CNR1: variants seen among roughly 807,000 people sequenced by gnomAD.
The protein encoded by CNR1 is cannabinoid receptor 1 (brain).
Under a neutral mutation model 23.0 loss-of-function variants are expected in CNR1, and 10 were observed. The observed-to-expected ratio is 0.43, with a 90% confidence interval of 0.27 to 0.74. CNR1 has a LOEUF of 0.74. Ranked by LOEUF, CNR1 falls within the 30% of genes least tolerant of loss-of-function variation. The pLI is 0.19. For synonymous variants in CNR1, 271 were observed against 255.2 expected, an observed-to-expected ratio of 1.06 and a Z score of -0.59; for missense variants, 422 against 618.8, an observed-to-expected ratio of 0.68 and a Z score of 3.37.
At chr6:88,163,814 A>C (rs1174497695) in intron 1 of CNR1, among the ~76,000 whole-genome samples, 1 of 152,240 alleles carries the variant, frequency 6.6e-6, no homozygotes, top group Non-Finnish European at 1.5e-5. Flanking sequence ...TACCATTTTG[A>C]AATGCCAAAA....
At chr6:88,148,145 T>C (rs963358521) in intron 1 of CNR1, among the ~76,000 whole-genome samples, 2 of 152,192 alleles carry the variant, frequency 1.3e-5, no homozygotes, top group African/African-American at 4.8e-5. Flanking sequence ...GCTCCTCACC[T>C]CAGTGCTGTT....
chr6:88,152,616 G>T (rs1777589384), intron 1 of CNR1, among the ~76,000 whole-genome samples: 1 of 152,158 alleles, frequency 6.6e-6, no homozygotes, highest in African/African-American at 2.4e-5. Context: ...TTGAATTAAA[G>T]AATACAGTTA....
At chr6:88,154,499 G>A (rs911588905) in intron 1 of CNR1, among the ~76,000 whole-genome samples, 1 of 152,218 alleles carries the variant, frequency 6.6e-6, no homozygotes, top group Non-Finnish European at 1.5e-5. Flanking sequence ...CTGTTTAGCT[G>A]TTTCCTCCAA....
At chr6:88,155,744 T>C (rs1202391923) in intron 1 of CNR1, among the ~76,000 whole-genome samples, 1 of 152,208 alleles carries the variant, frequency 6.6e-6, no homozygotes, top group African/African-American at 2.4e-5. Context: ...CTATAAGGTA[T>C]AAATCCTAAC....
rs535749680 is a variant in CNR1 at position 88,140,139 on chromosome 6, G to C, written c.*3717C>G. The C allele has an allele frequency of 6.5e-6, 1 of 152,772 alleles. No individual in the cohort carries two copies. The highest frequency in any genetic ancestry group is 1.5e-5 in the Non-Finnish European group (1 of 68,032). 9.5% of individuals were successfully genotyped at this position (152,772 alleles called of 1,614,324 possible). A position where few individuals can be genotyped will look rare whatever the true frequency, so the allele number is the denominator to read the frequency against. Reference sequence around the variant, plus strand: ...ACGAAGATATTGCAGTGGTTGCAACGATGTTACCAGCTCAACAAACATCTA... The same window carrying C: ...ACGAAGATATTGCAGTGGTTGCAACCATGTTACCAGCTCAACAAACATCTA... On this transcript the variant is annotated 3_prime_UTR_variant, in exon 2 of 2. Coordinates refer to ENST00000369501, the MANE Select transcript of CNR1 (RefSeq NM_016083.6).
chr6:88,147,365 T>A (rs1777257330), intron 1 of CNR1, among the ~76,000 whole-genome samples: 1 of 152,122 alleles, frequency 6.6e-6, no homozygotes, highest in Non-Finnish European at 1.5e-5. Context: ...GGCAGACAGC[T>A]GACTCAGAAA....
At chr6:88,148,478 C>T (rs987389587) in intron 1 of CNR1, among the ~76,000 whole-genome samples, 2 of 151,754 alleles carry the variant, frequency 1.3e-5, no homozygotes, top group African/African-American at 2.4e-5. Context: ...ATTGGATATA[C>T]GTATTTCAAA....
At chr6:88,145,797 A>T (rs1397454056) in intron 1 of CNR1, among the ~76,000 whole-genome samples, 1 of 152,228 alleles carries the variant, frequency 6.6e-6, no homozygotes, top group Non-Finnish European at 1.5e-5. Flanking sequence ...TGGAGACTTC[A>T]CCTTGTCAGA....
chr6:88,143,698 G>A lies in CNR1; in HGVS notation c.*158C>T, dbSNP rs1208374223. On this transcript the variant is annotated 3_prime_UTR_variant, in exon 2 of 2. Coordinates refer to ENST00000369501, the MANE Select transcript of CNR1 (RefSeq NM_016083.6). ...AATGGAGTTTGAGTACCTAAACTAT[G>A]GAAACATTAGCAAACTGATAAGTGA... 1.6e-6 allele frequency: 1 copy of A among 642,084 alleles called. No individual in the cohort carries two copies. Among genetic ancestry groups the A allele is most frequent in the Non-Finnish European group, 2.7e-6 (1 of 366,552 alleles). 39.8% of individuals were successfully genotyped at this position (642,084 alleles called of 1,614,324 possible).
chr6:88,163,420 G>C (rs1382102417), intron 1 of CNR1, among the ~76,000 whole-genome samples: 4 of 152,210 alleles, frequency 2.6e-5, no homozygotes, highest in Non-Finnish European at 1.5e-5. Flanking sequence ...ACTGCTATTA[G>C]AAGTTCCATC....
intron 1 of CNR1, among the ~76,000 whole-genome samples, chr6:88,159,589 T>A (rs570280399): frequency 6.6e-6 from 1 of 152,360 alleles, no homozygotes; most frequent in South Asian, 2.1e-4. Flanking sequence ...ATTTCTCCTT[T>A]TTTGTTTATA....
At chr6:88,167,250 G>A (rs925636439), upstream of CNR1, among the ~76,000 whole-genome samples, 14 of 152,128 alleles carry the variant, frequency 9.2e-5, no homozygotes, top group Non-Finnish European at 1.8e-4. Flanking sequence ...GGACTCGGGG[G>A]CGGCAGCGGC....
intron 1 of CNR1, among the ~76,000 whole-genome samples, chr6:88,158,364 T>C (rs1443520045): frequency 6.6e-6 from 1 of 152,208 alleles, no homozygotes; most frequent in Non-Finnish European, 1.5e-5. Context: ...AAAAGTGATG[T>C]GAACATATTG....
In CNR1 at chr6:88,143,756, G is replaced by T; in HGVS notation, c.*100C>A. 2.4e-6 allele frequency: 2 copies of T among 841,828 alleles called. No individual in the cohort carries two copies. The highest frequency in any genetic ancestry group is 1.7e-5 in the African/African-American group (1 of 59,248). The allele number at this position is 841,828 out of a possible 1,614,324, so 52.1% of individuals were successfully genotyped here. On this transcript the variant is annotated 3_prime_UTR_variant, in exon 2 of 2. Transcript: ENST00000369501. ...GACAATCACCTTTTCATTGAGCATG[G>T]TAAAGTTAAAAAAATATAACCAAGG...
chr6:88,143,939 C>A lies in CNR1; in HGVS notation c.1336G>T (p.Ala446Ser), dbSNP rs772492894. The change falls in exon 2 of 2, where the codon GCA (alanine) becomes TCA (serine). Residue 446 changes from alanine (A) to serine (S), a missense_variant. By Grantham distance (99) the Ala-to-Ser change is moderately conservative. This residue lies in a region of CNR1 where 79 missense variants were observed against 98.0 expected (regional missense o/e 0.81). Transcript: ENST00000369501. ...ACCGTGCTCTTGATGCAGCTTTCTG[C>A]GGCCCTGTGAACACTGGCTGCATTG... Reference protein sequence around the residue: ...ANNAASVHRAAESCIKSTVKI... With the variant: ...ANNAASVHRASESCIKSTVKI... 1.2e-6 allele frequency: 2 copies of A among 1,614,090 alleles called. No homozygotes were observed. The highest frequency in any genetic ancestry group is 8.5e-7 in the Non-Finnish European group (1 of 1,180,020).
Position 88,143,963 on chromosome 6 carries a change from T to C in CNR1, c.1312A>G (p.Asn438Asp), listed in dbSNP as rs1216130025. ...DSDCLHKHAN[N>D]AASVHRAAES... ...GCGGCCCTGTGAACACTGGCTGCAT[T>C]GTTTGCGTGTTTGTGCAGGCAGTCC... The change falls in exon 2 of 2, where the codon AAT becomes GAT. Residue 438 changes from asparagine (N) to aspartate (D), a missense_variant. Physicochemically the swap from Asn to Asp is conservative, Grantham distance 23. This residue lies in a region of CNR1 where 79 missense variants were observed against 98.0 expected (regional missense o/e 0.81). Transcript: ENST00000369501. 7 of 1,614,148 alleles carry C rather than the reference T, an allele frequency of 4.3e-6. No homozygotes were observed.
intron 1 of CNR1, among the ~76,000 whole-genome samples, chr6:88,156,053 G>A (rs1303421476): frequency 6.6e-6 from 1 of 152,182 alleles, no homozygotes; most frequent in African/African-American, 2.4e-5. Context: ...CATGAGCCAT[G>A]AGGTTTTCTT....
intron 1 of CNR1, among the ~76,000 whole-genome samples, chr6:88,160,526 C>G (rs1186930493): frequency 1.3e-5 from 2 of 151,148 alleles, no homozygotes; most frequent in African/African-American, 4.9e-5. Context: ...CCTCTGTCCC[C>G]TGGGTGCAAG....
At position 88,142,528 on chromosome 6, in the gene CNR1, C is replaced by A. The variant is rs1776879078; in HGVS notation, c.*1328G>T. ...TCATTATTTTTTGCTAAGCACTGGT[C>A]TTGTGTAATACCTAAAGGTCAATTT... On this transcript the variant is annotated 3_prime_UTR_variant, in exon 2 of 2. Coordinates refer to ENST00000369501, the MANE Select transcript of CNR1 (RefSeq NM_016083.6). 6.6e-6 allele frequency: 1 copy of A among 152,274 alleles called. No individual in the cohort carries two copies. The highest frequency in any genetic ancestry group is 1.5e-5 in the Non-Finnish European group (1 of 68,032). 9.4% of individuals were successfully genotyped at this position (152,274 alleles called of 1,614,324 possible). A position where few individuals can be genotyped will look rare whatever the true frequency, so the allele number is the denominator to read the frequency against.
Sources: gnomAD v4.1 joint callset for allele counts (sites outside exome capture counted in the v4.1 genomes callset) on GRCh38, gnomAD v4.1.1 for gene constraint, gnomAD v4.1.1 regional missense constraint, MANE v1.5 for transcripts, NCBI Gene and HGNC (gene_info 2026-07-23, HGNC 2026-07-21) for gene names.